Variants in ANO4 observed in about 807,000 individuals in gnomAD.
The protein encoded by ANO4 is anoctamin-4.
A neutral mutation model predicts 141.9 loss-of-function variants in ANO4; 69 were observed. That is an observed-to-expected ratio of 0.49 (90% CI 0.40 to 0.59). ANO4 has a LOEUF of 0.59. ANO4 is among the 20% of genes least tolerant of loss of function. The pLI, the probability that ANO4 is intolerant of heterozygous loss-of-function variation, is 0.00. For synonymous variants in ANO4, 350 were observed against 394.3 expected, an observed-to-expected ratio of 0.89 and a Z score of 1.33; for missense variants, 894 against 1,162.2, an observed-to-expected ratio of 0.77 and a Z score of 3.36.
chr12:100,747,398 C>T (rs1042962095), intron 3 of ANO4, among the ~76,000 whole-genome samples: 1 of 152,136 alleles, frequency 6.6e-6, no homozygotes, highest in African/African-American at 2.4e-5. Flanking sequence ...TTCCCTACAC[C>T]CCACCTCTCT....
chr12:101,065,380 A>G (rs986658276), intron 14 of ANO4, among the ~76,000 whole-genome samples: 1 of 152,132 alleles, frequency 6.6e-6, no homozygotes, highest in African/African-American at 2.4e-5. Context: ...TTCATTGATT[A>G]TTAAGAGAGA....
intron 1 of ANO4, among the ~76,000 whole-genome samples, chr12:100,724,281 G>T (rs2031005928): frequency 6.6e-6 from 1 of 152,212 alleles, no homozygotes; most frequent in African/African-American, 2.4e-5. Context: ...TTAAAATGCA[G>T]GAAAGGTGAT....
intron 3 of ANO4, among the ~76,000 whole-genome samples, chr12:100,766,668 A>G (rs916203321): frequency 6.6e-6 from 1 of 152,182 alleles, no homozygotes; most frequent in Non-Finnish European, 1.5e-5. Flanking sequence ...TATGTGATCT[A>G]TCCTGAAGAA....
intron 1 of ANO4, among the ~76,000 whole-genome samples, chr12:100,816,103 T>A (rs1010408283): frequency 3.3e-5 from 5 of 152,090 alleles, no homozygotes; most frequent in African/African-American, 1.2e-4. Context: ...TTAAAATATA[T>A]AACTATCGTA....
chr12:100,997,090 CT>C (rs1486329953), intron 8 of ANO4, among the ~76,000 whole-genome samples: 1 of 152,094 alleles, frequency 6.6e-6, no homozygotes, highest in East Asian at 1.9e-4. Flanking sequence ...AATCCCAGCA[CT>C]TTGGGAGGCC....
chr12:101,109,594 A>G (rs2050584254), intron 22 of ANO4, among the ~76,000 whole-genome samples: 1 of 152,102 alleles, frequency 6.6e-6, no homozygotes, highest in South Asian at 2.1e-4. Context: ...AACAAAAAAG[A>G]TGTTTTCCAG....
intron 3 of ANO4, among the ~76,000 whole-genome samples, chr12:100,742,112 C>T (rs1253626311): frequency 6.6e-6 from 1 of 152,124 alleles, no homozygotes; most frequent in African/African-American, 2.4e-5. Context: ...TTCCAAGCAA[C>T]TGCTTATTAT....
chr12:101,119,882 C>T (rs1485556761), intron 25 of ANO4, among the ~76,000 whole-genome samples: 1 of 152,050 alleles, frequency 6.6e-6, no homozygotes, highest in Non-Finnish European at 1.5e-5. Flanking sequence ...GTGCCTGGTC[C>T]CCAACAGGTA....
At chr12:101,017,658 C>G (rs929546541) in intron 8 of ANO4, among the ~76,000 whole-genome samples, 6 of 152,192 alleles carry the variant, frequency 3.9e-5, no homozygotes, top group African/African-American at 1.4e-4. Context: ...CAGGGGTAGC[C>G]TTTGGAGCCA....
intron 24 of ANO4, among the ~76,000 whole-genome samples, chr12:101,113,784 G>A (rs1167883151): frequency 6.6e-6 from 1 of 152,164 alleles, no homozygotes; most frequent in Non-Finnish European, 1.5e-5. Flanking sequence ...TTAAAGGATT[G>A]AAAATTATAA....
chr12:101,097,670 G>A lies in ANO4; in HGVS notation c.1870G>A (p.Ala624Thr), dbSNP rs2050038696. ...FLGRFTGHPG[A>T]YLRLINRWRL... ...TTGAAGATTTACAGGACACCCAGGT[G>A]CCTACTTGAGGCTGATAAACAGGTG... Residue 624 changes from alanine (A) to threonine (T), a missense_variant, in exon 20 of 28, where the codon GCC becomes ACC. By Grantham distance (58) the Ala-to-Thr change is moderately conservative (BLOSUM62 0). This residue lies in a region of ANO4 where 637 missense variants were observed against 909.2 expected (regional missense o/e 0.70). Coordinates refer to ENST00000392977, the MANE Select transcript of ANO4 (RefSeq NM_001286615.2). 6 of 1,613,818 alleles carry A rather than the reference G, an allele frequency of 3.7e-6. No individual in the cohort carries two copies. Among genetic ancestry groups the A allele is most frequent in the Non-Finnish European group, 4.2e-6 (5 of 1,179,804 alleles).
At chr12:100,823,692 T>C (rs2036178640) in intron 1 of ANO4, among the ~76,000 whole-genome samples, 1 of 152,048 alleles carries the variant, frequency 6.6e-6, no homozygotes, top group African/African-American at 2.4e-5. Context: ...CCTATCATGT[T>C]TTTCCCCCCA....
intron 5 of ANO4, among the ~76,000 whole-genome samples, chr12:100,965,557 G>A (rs983078867): frequency 1.2e-4 from 18 of 152,058 alleles, no homozygotes; most frequent in Admixed American, 9.8e-4. Flanking sequence ...ACCTGGCCTG[G>A]CATGATCATT....
At chr12:100,804,694 A>G (rs2135676575) in intron 1 of ANO4, among the ~76,000 whole-genome samples, 1 of 152,298 alleles carries the variant, frequency 6.6e-6, no homozygotes, top group East Asian at 1.9e-4. Flanking sequence ...GCATTTATCT[A>G]ATGATCAGCG....
intron 14 of ANO4, among the ~76,000 whole-genome samples, chr12:101,051,578 A>G (rs374551990): frequency 6.6e-6 from 1 of 152,250 alleles, no homozygotes; most frequent in African/African-American, 2.4e-5. Flanking sequence ...ATTAACAGTT[A>G]TATTAATAGC....
At chr12:100,749,879 G>C (rs1565853452) in intron 3 of ANO4, among the ~76,000 whole-genome samples, 1 of 152,182 alleles carries the variant, frequency 6.6e-6, no homozygotes, top group East Asian at 1.9e-4. Flanking sequence ...GTCCAAAAGG[G>C]ATAATGCGAG....
At chr12:100,902,419 A>G (rs7298254) in intron 2 of ANO4, among the ~76,000 whole-genome samples, 3,295 of 152,322 alleles carry the variant, frequency 0.022, 121 homozygotes, top group African/African-American at 0.075. Flanking sequence ...TTAAGTATTC[A>G]TTCATTCATT....
chr12:100,975,068 G>A (rs373066453), intron 7 of ANO4, among the ~76,000 whole-genome samples, 179 bp downstream of exon 7: 1 of 152,052 alleles, frequency 6.6e-6, no homozygotes, highest in Non-Finnish European at 1.5e-5. Context: ...AGATGAAAAC[G>A]TCCCTCTCCG....
At chr12:100,765,558 T>A (rs1329140878) in intron 3 of ANO4, among the ~76,000 whole-genome samples, 1 of 151,708 alleles carries the variant, frequency 6.6e-6, no homozygotes, top group Non-Finnish European at 1.5e-5. Flanking sequence ...TTTTTAATTT[T>A]GTTTTTTGTA....
Sources: allele counts gnomAD v4.1 joint callset (sites outside exome capture counted in the v4.1 genomes callset), GRCh38; gene constraint gnomAD v4.1.1; regional missense constraint gnomAD v4.1.1; transcripts MANE v1.5; gene names NCBI Gene and HGNC (gene_info 2026-07-23, HGNC 2026-07-21).